The following PDE4B variants were observed in gnomAD, a reference collection of about 807,000 sequenced individuals.
PDE4B encodes phosphodiesterase 4B.
Under a neutral mutation model 82.2 loss-of-function variants are expected in PDE4B, and 20 were observed. The observed-to-expected ratio is 0.24, with a 90% confidence interval of 0.17 to 0.35. PDE4B has a LOEUF of 0.35. Ranked by LOEUF, PDE4B falls within the 10% of genes least tolerant of loss-of-function variation. The probability of loss-of-function intolerance (pLI) is 1.00; values close to 1 mark genes in which losing one functional copy is unlikely to be tolerated. For synonymous variants in PDE4B, 320 were observed against 318.9 expected, an observed-to-expected ratio of 1.00 and a Z score of -0.04; for missense variants, 655 against 907.2, an observed-to-expected ratio of 0.72 and a Z score of 3.57.
chr1:65,990,185 C>T (rs1204490175), intron 3 of PDE4B, among the ~76,000 whole-genome samples: 4 of 152,128 alleles, frequency 2.6e-5, no homozygotes, highest in Admixed American at 1.3e-4. Flanking sequence ...TGGAATCCCA[C>T]GTGATGGCAC....
chr1:65,899,205 CAT>C (rs567293961), intron 1 of PDE4B, among the ~76,000 whole-genome samples: 99 of 152,124 alleles, frequency 6.5e-4, no homozygotes, highest in African/African-American at 2.3e-3. Flanking sequence ...GGCCAACAAA[CAT>C]GTGAAAAAAT....
chr1:65,911,048 C>T (rs1239734793), intron 1 of PDE4B, among the ~76,000 whole-genome samples: 4 of 151,818 alleles, frequency 2.6e-5, no homozygotes, highest in African/African-American at 9.7e-5. Context: ...CTGCTTTTTC[C>T]GAGTCAGGAC....
At chr1:66,036,285 T>C (rs1654056240) in intron 3 of PDE4B, among the ~76,000 whole-genome samples, 1 of 152,238 alleles carries the variant, frequency 6.6e-6, no homozygotes, top group Non-Finnish European at 1.5e-5. Flanking sequence ...GTCTCTTTAC[T>C]CCCTGAATTG....
chr1:66,121,411 C>T lies in PDE4B; in HGVS notation c.282-126049C>T, dbSNP rs114704073. Among the ~76,000 whole-genome samples, 368 of 152,172 alleles carry T rather than the reference C, an allele frequency of 2.4e-3. 2 individuals are homozygous for T. The highest frequency in any genetic ancestry group is 8.2e-3 in the African/African-American group (341 of 41,516). On this transcript the variant is annotated intron_variant, in intron 3 of 16. Transcript: ENST00000341517. ...TCAGTTTGACTGAACTAAGGGAAATCGTGGGAAATGAGCCAGAGGGGATAA... is the reference window on the plus strand; with the variant it reads ...TCAGTTTGACTGAACTAAGGGAAATTGTGGGAAATGAGCCAGAGGGGATAA...
chr1:66,354,346 C>T, intron 8 of PDE4B: 1 of 977,520 alleles, frequency 1.0e-6, no homozygotes, highest in Middle Eastern at 5.2e-4. Context: ...AGGGTACTGA[C>T]TTCAGATTTA....
intron 3 of PDE4B, among the ~76,000 whole-genome samples, chr1:65,963,103 A>T (rs1649629671): frequency 6.6e-6 from 1 of 152,150 alleles, no homozygotes; most frequent in Non-Finnish European, 1.5e-5. Flanking sequence ...ACCTTTCTCA[A>T]GATGCGACAA....
chr1:65,953,578 C>T (rs1218524493), intron 3 of PDE4B, among the ~76,000 whole-genome samples: 2 of 152,068 alleles, frequency 1.3e-5, no homozygotes, highest in Non-Finnish European at 2.9e-5. Context: ...GGATTCTTCC[C>T]TTGATCCCCA....
chr1:65,924,077 A>ATTT lies in PDE4B; in HGVS notation c.281+5255_281+5257dup, dbSNP rs71058436. On this transcript the variant is annotated intron_variant, in intron 3 of 16. Coordinates refer to ENST00000341517, the MANE Select transcript of PDE4B (RefSeq NM_002600.4). ...TTCTAATCTGCCTTCCAGTTTGCTA[A>ATTT]TTTTTTTTTTTTTTTGAGACGGAGT... is the stretch of plus-strand genomic sequence containing the variant. Among the ~76,000 whole-genome samples the ATTT allele has an allele frequency of 1.5e-4, 6 of 40,788 alleles. 2 individuals are homozygous for ATTT. The highest frequency in any genetic ancestry group is 2.1e-4 in the Non-Finnish European group (4 of 19,266). The allele number at this position is 40,788 out of a possible 152,430, so 26.8% of individuals were successfully genotyped here. A position where few individuals can be genotyped will look rare whatever the true frequency, so the allele number is the denominator to read the frequency against.
chr1:66,153,177 C>T (rs1351426135), intron 3 of PDE4B, among the ~76,000 whole-genome samples: 2 of 152,260 alleles, frequency 1.3e-5, no homozygotes, highest in Non-Finnish European at 1.5e-5. Context: ...TCTGAAGAAG[C>T]CCTGCAGTTC....
chr1:66,320,453 G>A (rs1282028745), intron 7 of PDE4B, among the ~76,000 whole-genome samples: 3 of 152,174 alleles, frequency 2.0e-5, no homozygotes, highest in African/African-American at 7.2e-5. Context: ...AGATAGAGCT[G>A]ATTAGCTGTG....
chr1:65,825,114 T>C (rs946201103), intron 1 of PDE4B, among the ~76,000 whole-genome samples: 1 of 152,332 alleles, frequency 6.6e-6, no homozygotes, highest in Admixed American at 6.5e-5. Flanking sequence ...AAAAGCCAGA[T>C]ACATACATGT....
chr1:66,256,305 G>A (rs991196247), intron 4 of PDE4B, among the ~76,000 whole-genome samples: 5 of 152,188 alleles, frequency 3.3e-5, no homozygotes, highest in Admixed American at 2.6e-4. Flanking sequence ...TACTAGGTAT[G>A]TGCTAGTTAA....
intron 3 of PDE4B, among the ~76,000 whole-genome samples, chr1:66,071,667 G>A (rs1485303479): frequency 2.0e-5 from 3 of 152,036 alleles, no homozygotes; most frequent in African/African-American, 7.2e-5. Context: ...TTGGCATCCA[G>A]AGTTCAGCAT....
intron 7 of PDE4B, among the ~76,000 whole-genome samples, chr1:66,296,589 T>C (rs1657529633): frequency 6.6e-6 from 1 of 152,096 alleles, no homozygotes; most frequent in Non-Finnish European, 1.5e-5. Flanking sequence ...ATTTGCAAAA[T>C]AGGAATAATA....
intron 3 of PDE4B, among the ~76,000 whole-genome samples, chr1:65,993,467 G>A (rs894356937): frequency 6.6e-6 from 1 of 152,098 alleles, no homozygotes; most frequent in African/African-American, 2.4e-5. Context: ...TATCTGTTGA[G>A]GTGGTAGGTG....
At chr1:66,022,438 T>C (rs1570004750) in intron 3 of PDE4B, among the ~76,000 whole-genome samples, 1 of 152,214 alleles carries the variant, frequency 6.6e-6, no homozygotes, top group South Asian at 2.1e-4. Flanking sequence ...ATATTGGCTG[T>C]GGGTTTGTCA....
intron 7 of PDE4B, among the ~76,000 whole-genome samples, chr1:66,268,661 C>CA (rs2101739145): frequency 9.4e-6 from 1 of 105,988 alleles, no homozygotes; most frequent in African/African-American, 4.2e-5. Flanking sequence ...GAGCAAGACT[C>CA]CATCTCAAAA....
At chr1:65,825,705 C>CTAT (rs1557766049) in intron 1 of PDE4B, among the ~76,000 whole-genome samples, 10,103 of 107,376 alleles carry the variant, frequency 0.094, 389 homozygotes, top group Non-Finnish European at 0.12. Flanking sequence ...AACAAAATTA[C>CTAT]CTATCTATCT....
intron 1 of PDE4B, among the ~76,000 whole-genome samples, chr1:65,882,082 G>A (rs1317594022): frequency 6.6e-6 from 1 of 152,122 alleles, no homozygotes; most frequent in Non-Finnish European, 1.5e-5. Context: ...TTTTAAGCAA[G>A]GGAAAGCCTT....
Sources: allele counts gnomAD v4.1 joint callset (sites outside exome capture counted in the v4.1 genomes callset), GRCh38; gene constraint gnomAD v4.1.1; transcripts MANE v1.5; gene names NCBI Gene and HGNC (gene_info 2026-07-23, HGNC 2026-07-21).